Variants in ANKMY2 observed in about 807,000 individuals in gnomAD.
The protein encoded by ANKMY2 is ankyrin repeat and MYND domain containing 2, also known as ankyrin repeat and MYND domain-containing protein 2.
ANKMY2 carries 36 observed loss-of-function variants against 50.4 expected under a neutral mutation model. The ratio of observed to expected loss-of-function variants is 0.71; its 90% CI spans 0.55 to 0.94. The LOEUF (loss-of-function observed/expected upper bound fraction) is 0.94. ANKMY2 is among the 40% of genes least tolerant of loss of function. The pLI, the probability that ANKMY2 is intolerant of heterozygous loss-of-function variation, is 0.00. For missense variants in ANKMY2, 565 were observed against 524.0 expected, an observed-to-expected ratio of 1.08 and a Z score of -0.76; for synonymous variants, 187 against 178.8, an observed-to-expected ratio of 1.05 and a Z score of -0.36.
chr7:16,619,273 C>A (rs1247071922), intron 4 of ANKMY2, among the ~76,000 whole-genome samples: 1 of 151,982 alleles, frequency 6.6e-6, no homozygotes, highest in Non-Finnish European at 1.5e-5. Flanking sequence ...CCTGCCTCAG[C>A]CTCCCGAGTA....
Position 16,600,944 on chromosome 7 carries a change from G to A in ANKMY2, c.1143C>T (p.His381=), listed in dbSNP as rs202049267. 127 of 1,575,764 alleles carry A rather than the reference G, an allele frequency of 8.1e-5. No homozygotes were observed. Among genetic ancestry groups the A allele is most frequent in the African/African-American group, 3.3e-4 (24 of 73,138 alleles). ...AGTTAGAATTGACATCAAGTTTGCC[G>A]TCTGATTAAAAAAAGAAGAAGTTAT... ...AAKEKRQEEN[H]GKLDVNSNCV... is the part of the protein sequence containing the mutation. The change falls in exon 10 of 10, where the codon CAC becomes CAT. Residue 381 remains histidine, a splice_region_variant and synonymous_variant. Transcript: ENST00000306999.
At chr7:16,620,593 C>T (rs532257724) in intron 4 of ANKMY2, among the ~76,000 whole-genome samples, 1 of 92,208 alleles carries the variant, frequency 1.1e-5, no homozygotes, top group African/African-American at 3.5e-5. Context: ...TACATGTGTA[C>T]ACACACACAC....
chr7:16,637,789 A>G (rs1781687796), intron 1 of ANKMY2, among the ~76,000 whole-genome samples: 1 of 152,206 alleles, frequency 6.6e-6, no homozygotes, highest in African/African-American at 2.4e-5. Flanking sequence ...CTTCATCCAA[A>G]TCCCATTCTC....
chr7:16,622,769 T>C (rs1417784200), intron 4 of ANKMY2, among the ~76,000 whole-genome samples: 1 of 143,106 alleles, frequency 7.0e-6, no homozygotes, highest in Non-Finnish European at 1.6e-5. Context: ...AATAAATAAA[T>C]AAATAAATAA....
At chr7:16,634,137 C>T (rs548744389) in intron 2 of ANKMY2, among the ~76,000 whole-genome samples, 11 of 152,184 alleles carry the variant, frequency 7.2e-5, no homozygotes, top group African/African-American at 2.4e-4. Context: ...AATATAGTAG[C>T]CACTAGCCAC....
chr7:16,624,884 C>A, intron 4 of ANKMY2, 99 bp downstream of exon 4: 3 of 973,668 alleles, frequency 3.1e-6, no homozygotes, highest in Non-Finnish European at 4.7e-6. Context: ...TTTTTTAAAG[C>A]AACATGATAA....
intron 2 of ANKMY2, among the ~76,000 whole-genome samples, chr7:16,630,174 G>A (rs73310790): frequency 0.032 from 4,885 of 152,150 alleles, 275 homozygotes; most frequent in African/African-American, 0.11. Flanking sequence ...GAAAGGTAGT[G>A]ATAAATTTCA....
intron 3 of ANKMY2, among the ~76,000 whole-genome samples, chr7:16,626,686 T>C (rs778550215): frequency 1.3e-5 from 2 of 152,192 alleles, no homozygotes; most frequent in Non-Finnish European, 2.9e-5. Context: ...GGCTCTGTCA[T>C]GGCAACTGTT....
At chr7:16,619,815 T>C (rs2128343820) in intron 4 of ANKMY2, among the ~76,000 whole-genome samples, 2 of 152,260 alleles carry the variant, frequency 1.3e-5, no homozygotes, top group South Asian at 4.1e-4. Context: ...GCTCACTGAG[T>C]GTGATTAATA....
chr7:16,643,777 G>C (rs1472336005), intron 1 of ANKMY2, among the ~76,000 whole-genome samples: 3 of 151,430 alleles, frequency 2.0e-5, no homozygotes, highest in African/African-American at 4.9e-5. Flanking sequence ...CCAGCACTTA[G>C]GGAGGCCGAG....
intron 2 of ANKMY2, among the ~76,000 whole-genome samples, chr7:16,628,755 A>C (rs905270367): frequency 2.0e-5 from 3 of 152,130 alleles, no homozygotes; most frequent in African/African-American, 7.2e-5. Context: ...TTTCTTTTGC[A>C]GATTTTAGGA....
intron 5 of ANKMY2, among the ~76,000 whole-genome samples, chr7:16,613,800 G>A (rs1001546823): frequency 6.6e-6 from 1 of 151,784 alleles, no homozygotes; most frequent in Non-Finnish European, 1.5e-5. Flanking sequence ...GCCAGGCGTG[G>A]TGGTGGGCAC....
chr7:16,610,344 A>G (rs961596571), intron 6 of ANKMY2, among the ~76,000 whole-genome samples: 8 of 152,238 alleles, frequency 5.3e-5, no homozygotes, highest in Admixed American at 4.6e-4. Context: ...GGTAACAACA[A>G]AAACATCACA....
At chr7:16,639,902 G>A (rs759548364) in intron 1 of ANKMY2, among the ~76,000 whole-genome samples, 5 of 152,168 alleles carry the variant, frequency 3.3e-5, no homozygotes, top group Non-Finnish European at 5.9e-5. Flanking sequence ...GCTCACACCT[G>A]TAATCACAGC....
At chr7:16,641,959 C>T (rs1156678372) in intron 1 of ANKMY2, among the ~76,000 whole-genome samples, 1 of 151,994 alleles carries the variant, frequency 6.6e-6, no homozygotes, top group Non-Finnish European at 1.5e-5. Context: ...TGAAGATGTT[C>T]ATTATGTTGA....
At chr7:16,643,732 T>A (rs1208405994) in intron 1 of ANKMY2, among the ~76,000 whole-genome samples, 3 of 151,750 alleles carry the variant, frequency 2.0e-5, no homozygotes, top group Non-Finnish European at 2.9e-5. Flanking sequence ...AGAGATCACA[T>A]GATGGGCCAG....
rs190106378 is a variant in ANKMY2, at chr7:16,605,891, G to C, written c.883-1042C>G. 1.5e-3 allele frequency among the ~76,000 whole-genome samples: 227 copies of C among 152,004 alleles called. 1 individual carries two copies. Among genetic ancestry groups the C allele is most frequent in the African/African-American group, 5.2e-3 (214 of 41,506 alleles). On this transcript the variant is annotated intron_variant, in intron 7 of 9. Transcript: ENST00000306999. ...GTAGAGATGGGGTTTCACCGTGTCA[G>C]CCAGGATGGTCTTGATCTCCTGACC...
intron 2 of ANKMY2, among the ~76,000 whole-genome samples, chr7:16,629,468 G>A (rs1308583534): frequency 6.6e-6 from 1 of 152,080 alleles, no homozygotes; most frequent in Non-Finnish European, 1.5e-5. Flanking sequence ...CCTGGGAGGT[G>A]GAGGTTGCAG....
intron 4 of ANKMY2, among the ~76,000 whole-genome samples, chr7:16,618,792 C>A (rs1043564914): frequency 6.6e-6 from 1 of 152,172 alleles, no homozygotes; most frequent in African/African-American, 2.4e-5. Flanking sequence ...TTATCAAAAT[C>A]AACCCAAGTA....
Sources: gnomAD v4.1 joint callset for allele counts (sites outside exome capture counted in the v4.1 genomes callset) on GRCh38, gnomAD v4.1.1 for gene constraint, MANE v1.5 for transcripts, NCBI Gene and HGNC (gene_info 2026-07-23, HGNC 2026-07-21) for gene names.